The following CYP2J2 variants were observed in gnomAD, a reference collection of about 807,000 sequenced individuals.
CYP2J2 encodes the protein cytochrome P450 family 2 subfamily J member 2.
Under a neutral mutation model 48.8 loss-of-function variants are expected in CYP2J2, and 41 were observed. The ratio of observed to expected loss-of-function variants is 0.84; its 90% CI spans 0.66 to 1.09. CYP2J2 has a LOEUF of 1.09. Among genes scored for constraint, CYP2J2 ranks in the 50% least tolerant of loss-of-function variants. CYP2J2 has a pLI of 0.00. For synonymous variants in CYP2J2, 221 were observed against 227.1 expected, an observed-to-expected ratio of 0.97 and a Z score of 0.24; for missense variants, 644 against 617.3, an observed-to-expected ratio of 1.04 and a Z score of -0.46.
chr1:59,942,428 T>C, the CYP2J2 span, among the ~76,000 whole-genome samples: 3 of 152,108 alleles, frequency 2.0e-5, no homozygotes, highest in Non-Finnish European at 2.9e-5. Context: ...CATATTCCTG[T>C]GGCGGGGCAG....
At chr1:59,955,265 C>CATATATATATATCCAT in the CYP2J2 span, among the ~76,000 whole-genome samples, 4 of 23,952 alleles carry the variant, frequency 1.7e-4, no homozygotes, top group African/African-American at 5.0e-4. Flanking sequence ...TATATATATC[C>CATATATATATATCCAT]ATATATATAT....
the CYP2J2 span, among the ~76,000 whole-genome samples, chr1:59,943,743 G>A: frequency 6.6e-6 from 1 of 152,064 alleles, no homozygotes; most frequent in African/African-American, 2.4e-5. Flanking sequence ...CATCACCAAG[G>A]ATGTAAGAGA....
At chr1:59,936,628 A>G in the CYP2J2 span, among the ~76,000 whole-genome samples, 2 of 152,198 alleles carry the variant, frequency 1.3e-5, no homozygotes, top group East Asian at 3.8e-4. Flanking sequence ...CCTCCAGGAC[A>G]TTAGGTATTT....
the CYP2J2 span, among the ~76,000 whole-genome samples, chr1:59,959,576 A>C: frequency 6.6e-6 from 1 of 152,016 alleles, no homozygotes; most frequent in South Asian, 2.1e-4. Flanking sequence ...ATGTGTATAT[A>C]TGTATGTATG....
chr1:59,946,098 T>G, the CYP2J2 span, among the ~76,000 whole-genome samples: 1 of 152,200 alleles, frequency 6.6e-6, no homozygotes, highest in African/African-American at 2.4e-5. Context: ...AGTACCTGTC[T>G]AATGCCTTCC....
In CYP2J2 at chr1:59,893,364, A is replaced by T. The variant is rs41287722; in HGVS notation, c.*287T>A. On this transcript the variant is annotated 3_prime_UTR_variant, in exon 9 of 9. Transcript: ENST00000371204. ...GTTTACAAACCACTTAAAGCTCACC[A>T]TTTCTTTTGATTCTTACAAGAACTT... The T allele has an allele frequency of 2.8e-3, 864 of 304,574 alleles. 7 individuals carry two copies. The highest frequency in any genetic ancestry group is 2.0e-3 in the Non-Finnish European group (328 of 167,272). The allele number at this position is 304,574 out of a possible 1,614,324, so 18.9% of individuals were successfully genotyped here. A position where few individuals can be genotyped will look rare whatever the true frequency, so the allele number is the denominator to read the frequency against.
At chr1:59,942,848 A>G in the CYP2J2 span, among the ~76,000 whole-genome samples, 1 of 152,226 alleles carries the variant, frequency 6.6e-6, no homozygotes, top group Non-Finnish European at 1.5e-5. Flanking sequence ...ATCTTTTAAG[A>G]ACCTACTATG....
Position 59,904,725 on chromosome 1 carries a change from A to G in CYP2J2, c.1191+146T>C, listed in dbSNP as rs960302767. 4.5e-6 allele frequency: 3 copies of G among 666,584 alleles called. No homozygotes were observed. The African/African-American group carries it at 5.6e-5, about 12-fold the overall frequency. The allele number at this position is 666,584 out of a possible 1,614,324, so 41.3% of individuals were successfully genotyped here. ...ATACCTATTTATCTAGTTGAAGACT[A>G]CACATGGAGAAAATCTAGTATTATA... is the stretch of plus-strand genomic sequence containing the variant. On this transcript the variant is annotated intron_variant, in intron 7 of 8. Transcript: ENST00000371204.
chr1:59,966,646 A>AG, the CYP2J2 span, among the ~76,000 whole-genome samples: 3 of 152,208 alleles, frequency 2.0e-5, no homozygotes, highest in Non-Finnish European at 4.4e-5. Flanking sequence ...AGGTTTTATG[A>AG]GAAAAAATGC....
the CYP2J2 span, among the ~76,000 whole-genome samples, chr1:59,967,742 A>G: frequency 6.6e-6 from 1 of 152,252 alleles, no homozygotes; most frequent in African/African-American, 2.4e-5. Flanking sequence ...AATAGGCTGC[A>G]CTGGGTATGG....
the CYP2J2 span, among the ~76,000 whole-genome samples, chr1:59,954,587 T>C: frequency 1.8e-5 from 2 of 111,132 alleles, no homozygotes; most frequent in African/African-American, 9.5e-5. Context: ...TCTTGGTGGG[T>C]CGGGGGGGGA....
the CYP2J2 span, among the ~76,000 whole-genome samples, chr1:59,945,909 A>G: frequency 3.9e-5 from 6 of 152,184 alleles, no homozygotes; most frequent in African/African-American, 1.2e-4. Context: ...CCAGAAGCCA[A>G]TCATTTTTCA....
upstream of CYP2J2, among the ~76,000 whole-genome samples, chr1:59,929,467 C>T (rs2102146523): frequency 1.3e-5 from 2 of 152,200 alleles, no homozygotes; most frequent in African/African-American, 4.8e-5. Flanking sequence ...GACTGTAAAG[C>T]AACTTAATTA....
At chr1:59,935,015 C>CATATATATATATATATATACATATAT in the CYP2J2 span, among the ~76,000 whole-genome samples, 2 of 47,496 alleles carry the variant, frequency 4.2e-5, no homozygotes, top group Non-Finnish European at 8.3e-5. Flanking sequence ...TATATATATA[C>CATATATATATATATATATACATATAT]ATATATATAT....
chr1:59,897,033 A>G (rs370872908), intron 8 of CYP2J2, among the ~76,000 whole-genome samples: 14 of 152,242 alleles, frequency 9.2e-5, no homozygotes, highest in African/African-American at 3.4e-4. Flanking sequence ...TTAAGGAAAT[A>G]AAGTTAGATC....
At chr1:59,920,462 C>A (rs1644503421) in intron 1 of CYP2J2, among the ~76,000 whole-genome samples, 1 of 151,994 alleles carries the variant, frequency 6.6e-6, no homozygotes, top group Admixed American at 6.6e-5. Flanking sequence ...ATAATCACTT[C>A]TCATTATTAT....
In CYP2J2 at chr1:59,901,315, G is replaced by A. The variant is rs566566225; in HGVS notation, c.1192-212C>T. 6.6e-5 allele frequency among the ~76,000 whole-genome samples: 10 copies of A among 152,300 alleles called. No individual in the cohort carries two copies. In the South Asian group the frequency reaches 1.9e-3, roughly 28 times the overall value. Reference sequence around the variant, plus strand: ...AAATTAGATTGGATTTCCCTGCTGGGAATTTTAACAAGGATGTCTGGCTAC... The same window carrying A: ...AAATTAGATTGGATTTCCCTGCTGGAAATTTTAACAAGGATGTCTGGCTAC... On this transcript the variant is annotated intron_variant, in intron 7 of 8. Coordinates refer to ENST00000371204, the MANE Select transcript of CYP2J2 (RefSeq NM_000775.4).
At chr1:59,909,738 A>C in intron 5 of CYP2J2, 46 bp downstream of exon 5, 1 of 1,459,222 alleles carries the variant, frequency 6.9e-7, no homozygotes, top group Non-Finnish European at 9.3e-7. Flanking sequence ...ATATACCTCT[A>C]TTTGTGCTCT....
At chr1:59,896,199 C>T (rs147974056) in intron 8 of CYP2J2, among the ~76,000 whole-genome samples, 4 of 152,116 alleles carry the variant, frequency 2.6e-5, no homozygotes, top group African/African-American at 9.6e-5. Flanking sequence ...TCATTGCTCT[C>T]CAGATGTTGT....
Sources: allele counts gnomAD v4.1 joint callset (sites outside exome capture counted in the v4.1 genomes callset), GRCh38; gene constraint gnomAD v4.1.1; transcripts MANE v1.5; gene names NCBI Gene and HGNC (gene_info 2026-07-23, HGNC 2026-07-21).